The following BCAS1 variants were observed in gnomAD, a reference collection of about 807,000 sequenced individuals.
The protein encoded by BCAS1 is brain enriched myelin associated protein 1.
BCAS1 carries 46 observed loss-of-function variants against 65.4 expected under a neutral mutation model. The observed-to-expected ratio is 0.70, with a 90% CI of 0.55 to 0.90. The LOEUF is 0.90. Ranked by LOEUF, BCAS1 falls within the 40% of genes least tolerant of loss-of-function variation. The pLI is 0.00. For synonymous variants in BCAS1, 298 were observed against 293.5 expected, an observed-to-expected ratio of 1.02 and a Z score of -0.16; for missense variants, 793 against 771.2, an observed-to-expected ratio of 1.03 and a Z score of -0.33.
chr20:53,970,869 G>C (rs1044753640), intron 9 of BCAS1, among the ~76,000 whole-genome samples: 1 of 152,042 alleles, frequency 6.6e-6, no homozygotes, highest in African/African-American at 2.4e-5. Context: ...ATATTTTAAA[G>C]ATTATTTTGA....
chr20:53,992,492 T>C lies in BCAS1; in HGVS notation c.1062+20A>G, dbSNP rs757857208. 1 of 1,364,450 alleles carries C rather than the reference T, an allele frequency of 7.3e-7. No homozygotes were observed. The highest frequency in any genetic ancestry group is 9.8e-7 in the Non-Finnish European group (1 of 1,020,984). 84.5% of individuals were successfully genotyped at this position (1,364,450 alleles called of 1,614,324 possible). On this transcript the variant is annotated intron_variant, in intron 7 of 12. Coordinates refer to ENST00000688948, the MANE Select transcript of BCAS1 (RefSeq NM_001366298.2). ...AGACCAGAGTTCTTGTTTTTCCTCC[T>C]ACTTTAATAAGATACAGACCTTATG...
chr20:54,050,178 C>A (rs1367855440), intron 3 of BCAS1, among the ~76,000 whole-genome samples: 1 of 152,154 alleles, frequency 6.6e-6, no homozygotes, highest in Non-Finnish European at 1.5e-5. Flanking sequence ...ATAATCACAC[C>A]TTTTCCTACT....
intron 3 of BCAS1, among the ~76,000 whole-genome samples, chr20:54,042,653 C>T (rs2092020896): frequency 6.6e-6 from 1 of 152,120 alleles, no homozygotes; most frequent in Admixed American, 6.5e-5. Context: ...CTTGGGGAGC[C>T]ATCAGAGTTA....
rs780933793 is a variant in BCAS1, at chr20:53,953,536, T to C, written c.1711A>G (p.Thr571Ala). The change falls in exon 12 of 13, where the codon ACA becomes GCA. Residue 571 changes from threonine (T) to alanine (A), a missense_variant. Coordinates refer to ENST00000688948, the MANE Select transcript of BCAS1 (RefSeq NM_001366298.2). ...KQEAKEPAQCTEQATVDTNSL... is the reference protein window; with the variant it reads ...KQEAKEPAQCAEQATVDTNSL... ...TTCGTGTCCACCGTGGCCTGCTCTG[T>C]GCACTGGGCTGGTTCTTTGGCTTCC... 1 of 1,613,990 alleles carries C rather than the reference T, an allele frequency of 6.2e-7. No homozygotes were observed. Among genetic ancestry groups the C allele is most frequent in the South Asian group, 1.1e-5 (1 of 91,064 alleles).
chr20:53,994,895 ACACACAC>A, intron 6 of BCAS1, 110 bp downstream of exon 6: 1 of 443,278 alleles, frequency 2.3e-6, no homozygotes. Flanking sequence ...TGATACACAC[ACACACAC>A]ACACACACAC....
chr20:53,985,084 G>A (rs950865412), intron 8 of BCAS1, among the ~76,000 whole-genome samples: 8 of 152,046 alleles, frequency 5.3e-5, no homozygotes, highest in Non-Finnish European at 8.8e-5. Flanking sequence ...TCTTCCCCAC[G>A]AAACACATGT....
chr20:53,993,008 A>G (rs1421341022), intron 6 of BCAS1, among the ~76,000 whole-genome samples: 1 of 152,196 alleles, frequency 6.6e-6, no homozygotes, highest in Non-Finnish European at 1.5e-5. Context: ...TACATGGTAA[A>G]GTAAAAAATA....
At chr20:54,020,929 C>T (rs548515803) in intron 4 of BCAS1, among the ~76,000 whole-genome samples, 1 of 152,300 alleles carries the variant, frequency 6.6e-6, no homozygotes, top group East Asian at 1.9e-4. Flanking sequence ...AAATCTAGTT[C>T]TTACTATGGG....
intron 4 of BCAS1, among the ~76,000 whole-genome samples, chr20:54,027,761 A>G (rs1194824786): frequency 6.6e-6 from 1 of 151,888 alleles, no homozygotes; most frequent in Non-Finnish European, 1.5e-5. Flanking sequence ...TGATTCCAGG[A>G]TACCTTCTTT....
At chr20:53,954,161 G>C (rs1432660786) in intron 11 of BCAS1, among the ~76,000 whole-genome samples, 1 of 152,196 alleles carries the variant, frequency 6.6e-6, no homozygotes, top group Non-Finnish European at 1.5e-5. Flanking sequence ...TGAAATGAGA[G>C]AGAGGCTGGT....
intron 4 of BCAS1, among the ~76,000 whole-genome samples, chr20:54,024,845 G>C (rs2091636965): frequency 6.6e-6 from 1 of 152,162 alleles, no homozygotes; most frequent in Admixed American, 6.5e-5. Flanking sequence ...GAAACATCAT[G>C]GTGGCTGTGA....
intron 4 of BCAS1, among the ~76,000 whole-genome samples, chr20:54,008,083 C>G (rs560113256): frequency 6.6e-6 from 1 of 152,210 alleles, no homozygotes; most frequent in Non-Finnish European, 1.5e-5. Context: ...TCTGGCAAGA[C>G]AGAAAACTTT....
intron 6 of BCAS1, 104 bp downstream of exon 6, chr20:53,994,908 C>T: frequency 1.1e-6 from 1 of 901,386 alleles, no homozygotes; most frequent in Non-Finnish European, 1.8e-6. Context: ...CACACACACA[C>T]ACACACACAT....
Position 53,995,872 on chromosome 20 carries a change from A to T in BCAS1, c.882+20T>A. The T allele has an allele frequency of 6.3e-7, 1 of 1,577,694 alleles. No homozygotes were observed. Among genetic ancestry groups the T allele is most frequent in the Non-Finnish European group, 8.6e-7 (1 of 1,160,682 alleles). On this transcript the variant is annotated intron_variant, in intron 5 of 12. Transcript: ENST00000688948. ...TTTTGAGCAATAGAGTGGAGGGGAA[A>T]AGAGGAGAAAACTGCTTACCAGAGT...
In BCAS1 at chr20:53,956,144, C is replaced by T. The variant is rs573826681; in HGVS notation, c.1551+1288G>A. Among the ~76,000 whole-genome samples the T allele has an allele frequency of 6.6e-5, 10 of 152,284 alleles. 1 individual carries two copies. The highest frequency in any genetic ancestry group is 1.2e-4 in the Non-Finnish European group (8 of 68,024). On this transcript the variant is annotated intron_variant, in intron 11 of 12. Coordinates refer to ENST00000688948, the MANE Select transcript of BCAS1 (RefSeq NM_001366298.2). ...CAATAGAGTTGTGCCCCCACCCCAA[C>T]GCATATGTTGAATCCTTAACTCCCA...
intron 8 of BCAS1, among the ~76,000 whole-genome samples, chr20:53,978,230 T>G (rs763519864): frequency 2.0e-5 from 3 of 152,134 alleles, no homozygotes; most frequent in Non-Finnish European, 4.4e-5. Context: ...ATCATCATTC[T>G]CAGTCAACTA....
intron 12 of BCAS1, among the ~76,000 whole-genome samples, chr20:53,946,940 AAT>A (rs746865566): frequency 7.2e-5 from 11 of 152,050 alleles, no homozygotes; most frequent in Non-Finnish European, 8.8e-5. Flanking sequence ...TAGCATAATA[AAT>A]AGAGTGTAGT....
At chr20:54,031,132 C>T (rs1474735861) in intron 3 of BCAS1, among the ~76,000 whole-genome samples, 1 of 151,490 alleles carries the variant, frequency 6.6e-6, no homozygotes, top group African/African-American at 2.4e-5. Flanking sequence ...TCCTTACCCA[C>T]TGGCTGGAAA....
chr20:54,054,256 C>T (rs1238716912), intron 3 of BCAS1, among the ~76,000 whole-genome samples: 4 of 152,044 alleles, frequency 2.6e-5, no homozygotes, highest in African/African-American at 9.7e-5. Flanking sequence ...AGAGCCAAAC[C>T]GTATCACCAA....
Sources: gnomAD v4.1 joint callset for allele counts (sites outside exome capture counted in the v4.1 genomes callset) on GRCh38, gnomAD v4.1.1 for gene constraint, MANE v1.5 for transcripts, NCBI Gene and HGNC (gene_info 2026-07-23, HGNC 2026-07-21) for gene names.